Variants in CAST observed in about 807,000 individuals in gnomAD.
CAST encodes calpastatin, also known as MIR583 host.
A neutral mutation model predicts 119.6 loss-of-function variants in CAST; 76 were observed. That is an observed-to-expected ratio of 0.64 (90% CI 0.53 to 0.77). CAST has a LOEUF of 0.77. Among genes scored for constraint, CAST ranks in the 30% least tolerant of loss-of-function variants. CAST has a pLI of 0.00. For synonymous variants in CAST, 319 were observed against 331.6 expected (o/e 0.96, Z 0.41); for missense variants, 953 against 946.5 (o/e 1.01, Z -0.09).
At chr5:96,322,778 C>T in the CAST span, among the ~76,000 whole-genome samples, 3 of 152,106 alleles carry the variant, frequency 2.0e-5, no homozygotes, top group Non-Finnish European at 4.4e-5. Flanking sequence ...TCTAAATAAC[C>T]CCACATTGCC....
chr5:96,277,657 T>A, the CAST span, among the ~76,000 whole-genome samples: 1 of 151,990 alleles, frequency 6.6e-6, no homozygotes, highest in Non-Finnish European at 1.5e-5. Flanking sequence ...CTAGATAATA[T>A]CAGTGTGGAG....
At chr5:96,384,320 T>C in the CAST span, among the ~76,000 whole-genome samples, 1 of 152,202 alleles carries the variant, frequency 6.6e-6, no homozygotes. Context: ...ACAATCCACA[T>C]CTGTACTCTA....
At chr5:96,623,395 A>G (rs1260522375) in intron 1 of CAST, among the ~76,000 whole-genome samples, 1 of 152,190 alleles carries the variant, frequency 6.6e-6, no homozygotes, top group Non-Finnish European at 1.5e-5. Flanking sequence ...CAATAATAAT[A>G]ATAGCTGCCC....
intron 1 of CAST, among the ~76,000 whole-genome samples, chr5:96,654,315 G>A (rs1355787563): frequency 6.6e-6 from 1 of 151,914 alleles, no homozygotes; most frequent in African/African-American, 2.4e-5. Context: ...GTGAGCCACC[G>A]CACCCGGCCC....
intron 1 of CAST, among the ~76,000 whole-genome samples, chr5:96,535,709 G>A (rs577494150): frequency 1.3e-5 from 2 of 151,858 alleles, no homozygotes; most frequent in South Asian, 2.1e-4. Flanking sequence ...GAGTAGCTGG[G>A]ACTACAGGCG....
the CAST span, among the ~76,000 whole-genome samples, chr5:96,438,717 T>C: frequency 2.6e-5 from 4 of 152,220 alleles, no homozygotes; most frequent in Admixed American, 6.5e-5. Flanking sequence ...ATCACTTGGT[T>C]AAGATGGTAT....
chr5:96,443,618 A>G, the CAST span, among the ~76,000 whole-genome samples: 1 of 152,218 alleles, frequency 6.6e-6, no homozygotes, highest in Non-Finnish European at 1.5e-5. Flanking sequence ...ATCAGTGGTT[A>G]TCGATTATTG....
intron 3 of CAST, among the ~76,000 whole-genome samples, chr5:96,721,773 T>C (rs1467035785): frequency 6.6e-6 from 1 of 152,202 alleles, no homozygotes; most frequent in Non-Finnish European, 1.5e-5. Context: ...AGTACTAGAA[T>C]AGTACTCCAA....
upstream of CAST, among the ~76,000 whole-genome samples, chr5:96,525,983 CT>C (rs1437615997): frequency 1.3e-5 from 2 of 152,110 alleles, no homozygotes; most frequent in Non-Finnish European, 2.9e-5. Context: ...ATTGATCCCC[CT>C]GACAATGAAA....
At chr5:96,759,178 C>G (rs1438303688) in intron 24 of CAST, among the ~76,000 whole-genome samples, 1 of 152,104 alleles carries the variant, frequency 6.6e-6, no homozygotes, top group East Asian at 1.9e-4. Flanking sequence ...AACTAATCAT[C>G]ATGAGAACCA....
At chr5:96,740,718 A>G (rs1932963497) in intron 12 of CAST, 27 bp from the exon 13 acceptor site, 4 of 1,569,088 alleles carry the variant, frequency 2.5e-6, no homozygotes, top group African/African-American at 1.3e-5. Context: ...TACCTTCTCA[A>G]CATCATCAAA....
At chr5:96,668,398 G>T (rs1439987031) in intron 1 of CAST, among the ~76,000 whole-genome samples, 80 of 152,178 alleles carry the variant, frequency 5.3e-4, no homozygotes, top group Admixed American at 5.2e-3. Context: ...TTGTACTTTA[G>T]GGAAAGTAAA....
At chr5:96,121,767 T>G in the CAST span, among the ~76,000 whole-genome samples, 1 of 152,076 alleles carries the variant, frequency 6.6e-6, no homozygotes, top group African/African-American at 2.4e-5. Context: ...GGCAATGCAG[T>G]GTTCCTAGGG....
chr5:96,363,450 A>C, the CAST span, among the ~76,000 whole-genome samples: 1 of 152,098 alleles, frequency 6.6e-6, no homozygotes, highest in African/African-American at 2.4e-5. Flanking sequence ...CACGATATTG[A>C]TTCTTCCTAC....
the CAST span, among the ~76,000 whole-genome samples, chr5:96,430,553 T>A: frequency 1.3e-5 from 2 of 152,152 alleles, no homozygotes; most frequent in Non-Finnish European, 2.9e-5. Context: ...GTTTTTCTTC[T>A]TGTCACTACC....
chr5:96,243,039 A>G, the CAST span, among the ~76,000 whole-genome samples: 1 of 152,174 alleles, frequency 6.6e-6, no homozygotes, highest in Non-Finnish European at 1.5e-5. Context: ...TTTATTCCTT[A>G]ATTTGTAACA....
intron 16 of CAST, chr5:96,743,441 T>C: frequency 1.5e-6 from 1 of 664,830 alleles, no homozygotes; most frequent in Non-Finnish European, 2.4e-6. Flanking sequence ...TGTGGGGAGA[T>C]GGAAAGGTAG....
At chr5:96,167,797 G>A in the CAST span, among the ~76,000 whole-genome samples, 58 of 152,260 alleles carry the variant, frequency 3.8e-4, no homozygotes, top group South Asian at 1.0e-3. Flanking sequence ...AGACCAAGAG[G>A]TATTTTAGTT....
chr5:96,587,142 C>G (rs573408156), intron 1 of CAST, among the ~76,000 whole-genome samples: 2 of 152,084 alleles, frequency 1.3e-5, no homozygotes, highest in Non-Finnish European at 2.9e-5. Flanking sequence ...GTTCAGAAAA[C>G]AGAACCCCTC....
Sources: gnomAD v4.1 joint callset for allele counts (sites outside exome capture counted in the v4.1 genomes callset) on GRCh38, gnomAD v4.1.1 for gene constraint, MANE v1.5 for transcripts, NCBI Gene and HGNC (gene_info 2026-07-23, HGNC 2026-07-21) for gene names.